IGF2R: variants seen among roughly 807,000 people sequenced by gnomAD.
The protein encoded by IGF2R is cation-independent mannose-6-phosphate receptor.
In IGF2R, 91 loss-of-function variants were observed where a neutral mutation model predicts 270.6. That is an observed-to-expected ratio of 0.34 (90% CI 0.28 to 0.40). The LOEUF (loss-of-function observed/expected upper bound fraction) is 0.40, where lower values mean the gene tolerates loss of function less well. IGF2R is among the 10% of genes least tolerant of loss of function. The pLI is 1.00. For missense variants in IGF2R, 2,805 were observed against 3,188.3 expected (o/e 0.88, Z 2.90); for synonymous variants, 1,316 against 1,258.9 (o/e 1.05, Z -0.96).
rs775718006 is a variant in IGF2R at position 160,110,777 on chromosome 6, G to A, written c.*5693G>A. On this transcript the variant is annotated 3_prime_UTR_variant, in exon 48 of 48. Transcript: ENST00000356956. ...AAATCCTGTCATTTGTGACAACATG[G>A]ATGAGCTGAGAGAACATTATGCTAA... The A allele has an allele frequency of 1.3e-5, 2 of 152,358 alleles. No homozygotes were observed. The highest frequency in any genetic ancestry group is 2.4e-5 in the African/African-American group (1 of 41,588). The allele number at this position is 152,358 out of a possible 1,614,324, so 9.4% of individuals were successfully genotyped here.
At chr6:160,088,204 C>A in intron 42 of IGF2R, 57 bp downstream of exon 42, 1 of 1,140,886 alleles carries the variant, frequency 8.8e-7, no homozygotes, top group Non-Finnish European at 1.3e-6. Flanking sequence ...GGAGGGAATT[C>A]CTCCTTGGGG....
At chr6:160,021,490 GC>G (rs1355315676) in intron 4 of IGF2R, among the ~76,000 whole-genome samples, 1 of 150,668 alleles carries the variant, frequency 6.6e-6, no homozygotes, top group Non-Finnish European at 1.5e-5. Context: ...TATACCTAAT[GC>G]TAAATGACGA....
rs994198964 is a variant in IGF2R, at chr6:160,033,181, G to C, written c.1211+74G>C. 22 of 1,069,484 alleles carry C rather than the reference G, an allele frequency of 2.1e-5. No homozygotes were observed. The African/African-American group carries it at 3.5e-4, about 17-fold the overall frequency. 66.2% of individuals were successfully genotyped at this position (1,069,484 alleles called of 1,614,324 possible). On this transcript the variant is annotated intron_variant, in intron 9 of 47. Coordinates refer to ENST00000356956, the MANE Select transcript of IGF2R (RefSeq NM_000876.4). ...AGATAGGGTTGCACTCTGGCGCCCA[G>C]GCTAGACTGCAGTGGTGCAATCTCG...
At chr6:160,101,907 A>T (rs953387827) in intron 45 of IGF2R, among the ~76,000 whole-genome samples, 10 of 152,326 alleles carry the variant, frequency 6.6e-5, no homozygotes, top group African/African-American at 2.4e-4. Context: ...CTGGTGAGGC[A>T]GCTGGTGTGC....
rs8191964 is a variant in IGF2R, at chr6:160,106,219, C to T, written c.*1135C>T. Reference sequence around the variant, plus strand: ...AGCGCGGAGGAGGAGGGAGGCCAGGCGGGCATGGCGTGGAGGAGGAGGGAG... The same window carrying T: ...AGCGCGGAGGAGGAGGGAGGCCAGGTGGGCATGGCGTGGAGGAGGAGGGAG... On this transcript the variant is annotated 3_prime_UTR_variant, in exon 48 of 48. Transcript: ENST00000356956. The T allele has an allele frequency of 4.0e-3, 610 of 151,062 alleles. 5 individuals are homozygous for T. The highest frequency in any genetic ancestry group is 0.015 in the African/African-American group (597 of 39,752). 9.4% of individuals were successfully genotyped at this position (151,062 alleles called of 1,614,324 possible).
At chr6:160,095,509 AAG>A (rs1779336460) in intron 44 of IGF2R, 2 of 152,244 alleles carry the variant, frequency 1.3e-5, no homozygotes, top group South Asian at 4.1e-4. Context: ...TTAATGCTAG[AAG>A]CCATAGTCCG....
intron 2 of IGF2R, among the ~76,000 whole-genome samples, chr6:160,001,574 C>T (rs1784130629): frequency 1.3e-5 from 2 of 152,174 alleles, no homozygotes; most frequent in Non-Finnish European, 2.9e-5. Context: ...TCTCTGGTGC[C>T]AACAAGGTTG....
rs899256990 is a variant in IGF2R, at chr6:160,109,453, C to T, written c.*4369C>T. 3 of 152,204 alleles carry T rather than the reference C, an allele frequency of 2.0e-5. No homozygotes were observed. Among genetic ancestry groups the T allele is most frequent in the African/African-American group, 4.8e-5 (2 of 41,452 alleles). The allele number at this position is 152,204 out of a possible 1,614,324, so 9.4% of individuals were successfully genotyped here. On this transcript the variant is annotated 3_prime_UTR_variant, in exon 48 of 48. Transcript: ENST00000356956. Reference sequence around the variant, plus strand: ...CATGTAGACATTCAAACTTACAGAACAAAGAACTATTTTTTCCCTGAATCA... The same window carrying T: ...CATGTAGACATTCAAACTTACAGAATAAAGAACTATTTTTTCCCTGAATCA...
At chr6:160,020,711 G>A (rs1428375717) in intron 4 of IGF2R, among the ~76,000 whole-genome samples, 2 of 152,202 alleles carry the variant, frequency 1.3e-5, no homozygotes, top group South Asian at 2.1e-4. Flanking sequence ...ACCCTATTTA[G>A]TAAATGGTTC....
At chr6:160,027,099 G>A (rs1161745551) in intron 5 of IGF2R, 86 bp from the exon 6 acceptor site, 2 of 1,437,470 alleles carry the variant, frequency 1.4e-6, no homozygotes, top group African/African-American at 2.8e-5. Context: ...ATTCAATAAT[G>A]TATTTAAAGG....
intron 2 of IGF2R, chr6:160,005,785 G>C (rs1012191271): frequency 8.7e-6 from 1 of 115,264 alleles, no homozygotes; most frequent in Non-Finnish European, 1.7e-5. Flanking sequence ...GCGCCTCCTT[G>C]GCCCCTCGAG....
At chr6:160,028,453 T>A (rs934780966) in intron 6 of IGF2R, among the ~76,000 whole-genome samples, 12 of 152,238 alleles carry the variant, frequency 7.9e-5, no homozygotes, top group African/African-American at 2.9e-4. Flanking sequence ...AACAGAGTCT[T>A]TAAGTGACAC....
At chr6:160,068,862 C>T (rs201514675) in intron 30 of IGF2R, among the ~76,000 whole-genome samples, 2 of 152,068 alleles carry the variant, frequency 1.3e-5, no homozygotes, top group East Asian at 1.9e-4. Flanking sequence ...GTGGTTCGGC[C>T]GAGAAACAGC....
chr6:160,095,187 G>C (rs1246347634), intron 44 of IGF2R: 1 of 152,204 alleles, frequency 6.6e-6, no homozygotes, highest in Non-Finnish European at 1.5e-5. Flanking sequence ...CAATATGCCT[G>C]CAGATTTGCT....
chr6:159,969,364 GC>G lies in IGF2R; in HGVS notation c.121del (p.Gln41ArgfsTer48). 1 of 1,288,134 alleles carries G rather than the reference GC, an allele frequency of 7.8e-7. No individual in the cohort carries two copies. The highest frequency in any genetic ancestry group is 9.8e-7 in the Non-Finnish European group (1 of 1,017,000). The allele number at this position is 1,288,134 out of a possible 1,614,324, so 79.8% of individuals were successfully genotyped here. A position where few individuals can be genotyped will look rare whatever the true frequency, so the allele number is the denominator to read the frequency against. On this transcript the variant is annotated frameshift_variant, in exon 1 of 48. Coordinates refer to ENST00000356956, the MANE Select transcript of IGF2R (RefSeq NM_000876.4). LOFTEE classifies it high-confidence loss of function. ...CGTCGCTGCCCCGGGGTCCACGCAG[GC>G]CCAGGCCGCCCCGTTCCCCGAGCTG... Reference protein sequence around the residue: ...LLVAAPGSTQAQAAPFPELCS... With the variant: ...LLVAAPGSTQXQAAPFPELCS...
At chr6:160,019,742 A>T (rs1006254288) in intron 4 of IGF2R, among the ~76,000 whole-genome samples, 1 of 152,240 alleles carries the variant, frequency 6.6e-6, no homozygotes. Flanking sequence ...CAGAAAAAGC[A>T]TTTGATGAAA....
chr6:159,989,101 C>G (rs892508657), intron 1 of IGF2R, among the ~76,000 whole-genome samples: 5 of 152,152 alleles, frequency 3.3e-5, no homozygotes, highest in African/African-American at 1.2e-4. Context: ...AGTACCCCAG[C>G]CTGCTCTTCA....
intron 1 of IGF2R, among the ~76,000 whole-genome samples, chr6:159,971,599 C>G (rs757629748): frequency 4.6e-5 from 7 of 152,186 alleles, no homozygotes; most frequent in Non-Finnish European, 8.8e-5. Context: ...GAACCACTTG[C>G]AATCTCTACT....
At chr6:160,008,503 G>T (rs1402735512) in intron 2 of IGF2R, among the ~76,000 whole-genome samples, 1 of 152,144 alleles carries the variant, frequency 6.6e-6, no homozygotes, top group Admixed American at 6.5e-5. Flanking sequence ...GACAAGCAGA[G>T]ATGTGGTCAT....
Sources: allele counts gnomAD v4.1 joint callset (sites outside exome capture counted in the v4.1 genomes callset), GRCh38; gene constraint gnomAD v4.1.1; transcripts MANE v1.5; gene names NCBI Gene and HGNC (gene_info 2026-07-23, HGNC 2026-07-21).